DYNC2LI1: variants seen among roughly 807,000 people sequenced by gnomAD.
DYNC2LI1 encodes dynein cytoplasmic 2 light intermediate chain 1.
Under a neutral mutation model 51.9 loss-of-function variants are expected in DYNC2LI1, and 45 were observed. The observed-to-expected ratio is 0.87, with a 90% CI of 0.68 to 1.11. The LOEUF (loss-of-function observed/expected upper bound fraction) is 1.11. DYNC2LI1 is among the 50% of genes most tolerant of loss of function. DYNC2LI1 has a pLI of 0.00. For missense variants in DYNC2LI1, 490 were observed against 417.4 expected, an observed-to-expected ratio of 1.17 and a Z score of -1.51; for synonymous variants, 130 against 137.8, an observed-to-expected ratio of 0.94 and a Z score of 0.40.
Position 43,795,956 on chromosome 2 carries a change from C to T in DYNC2LI1, c.574C>T (p.Gln192Ter). Residue 192 changes from glutamine to a stop codon, truncating the protein, a stop_gained and splice_region_variant, in exon 7 of 13, where the codon CAG (glutamine) becomes TAG (stop). Transcript: ENST00000260605. LOFTEE classifies it high-confidence loss of function. ...AATTGGAAGTAAATATGATGTTTTT[C>T]AGGTAAGCTCTTCCGCTTCTAGCTG... ...VIIGSKYDVFQDFESEKRKVI... is the reference protein window; with the variant it reads ...VIIGSKYDVF The T allele has an allele frequency of 6.2e-7, 1 of 1,611,644 alleles. No individual in the cohort carries two copies. Among genetic ancestry groups the T allele is most frequent in the Non-Finnish European group, 8.5e-7 (1 of 1,177,962 alleles).
At chr2:43,812,263 A>G (rs556755276), downstream of DYNC2LI1, among the ~76,000 whole-genome samples, 1 of 150,502 alleles carries the variant, frequency 6.6e-6, no homozygotes, top group Non-Finnish European at 1.5e-5. Context: ...GCTGATCTCC[A>G]GCCTTAATGG....
At chr2:43,798,049 C>T (rs185167901) in intron 8 of DYNC2LI1, among the ~76,000 whole-genome samples, 25,379 of 151,654 alleles carry the variant, frequency 0.17, 3,216 homozygotes, top group African/African-American at 0.34. Context: ...ATCACATGAG[C>T]TCAGGAGGTC....
rs557217624 is a variant in DYNC2LI1, at chr2:43,795,039, T to C, written c.507+396T>C. 6.8e-5 allele frequency: 72 copies of C among 1,065,102 alleles called. No individual in the cohort carries two copies. The African/African-American group carries it at 1.2e-3, about 17-fold the overall frequency. The allele number at this position is 1,065,102 out of a possible 1,614,324, so 66.0% of individuals were successfully genotyped here. On this transcript the variant is annotated intron_variant, in intron 6 of 12. Transcript: ENST00000260605. ...GGTAGAGTTGTAATAGCCTTCACCA[T>C]CACTCTGTATTTTACATTCATTTCG...
At chr2:43,819,044 A>G in the DYNC2LI1 span, among the ~76,000 whole-genome samples, 1 of 152,198 alleles carries the variant, frequency 6.6e-6, no homozygotes, top group East Asian at 1.9e-4. Flanking sequence ...CTTATCTGAA[A>G]ATGGATTGCT....
intron 1 of DYNC2LI1, 42 bp downstream of exon 1, chr2:43,774,188 G>T: frequency 6.2e-7 from 1 of 1,612,018 alleles, no homozygotes; most frequent in Non-Finnish European, 8.5e-7. Context: ...GCTACTGAGA[G>T]TATTCCTGGA....
intron 8 of DYNC2LI1, among the ~76,000 whole-genome samples, chr2:43,798,125 A>G (rs909882267): frequency 6.6e-6 from 1 of 151,832 alleles, no homozygotes. Context: ...AAAAAAAAAA[A>G]TTTCCTTTAC....
Position 43,801,644 on chromosome 2 carries a change from C to A in DYNC2LI1, c.737C>A (p.Ser246Ter), listed in dbSNP as rs1463359076. Residue 246 changes from serine to a stop codon, truncating the protein, a stop_gained, in exon 10 of 13, where the codon TCA becomes TAA. Transcript: ENST00000260605. LOFTEE classifies it high-confidence loss of function. The part of the protein sequence containing the change: ...QLAFGIDKSK[S>*]ICVDQNKPLF... ...TCTTTCTCTTCTCCACGTAGCAAAT[C>A]AATATGTGTGGATCAGAATAAACCG... 6.2e-7 allele frequency: 1 copy of A among 1,607,474 alleles called. No homozygotes were observed.
chr2:43,777,414 G>A (rs1673073719), intron 2 of DYNC2LI1, among the ~76,000 whole-genome samples: 1 of 152,186 alleles, frequency 6.6e-6, no homozygotes, highest in Non-Finnish European at 1.5e-5. Flanking sequence ...ACTTGGCCAA[G>A]CATACAGAAA....
intron 3 of DYNC2LI1, among the ~76,000 whole-genome samples, chr2:43,786,141 A>C (rs560278467): frequency 2.3e-4 from 35 of 152,308 alleles, no homozygotes; most frequent in African/African-American, 8.2e-4. Context: ...AATGATGCCC[A>C]TGTTTGGGCT....
At chr2:43,783,369 A>T in intron 2 of DYNC2LI1, 151 bp from the exon 3 acceptor site, 1 of 636,786 alleles carries the variant, frequency 1.6e-6, no homozygotes, top group East Asian at 3.1e-5. Context: ...ATCAAACTTT[A>T]GAACAATTCC....
chr2:43,784,365 A>G (rs1395636797), intron 3 of DYNC2LI1, among the ~76,000 whole-genome samples: 4 of 152,182 alleles, frequency 2.6e-5, no homozygotes, highest in African/African-American at 4.8e-5. Flanking sequence ...TCATAAACAA[A>G]TCATCTAATA....
the DYNC2LI1 span, chr2:43,825,055 A>G: frequency 3.1e-6 from 5 of 1,609,330 alleles, no homozygotes; most frequent in Non-Finnish European, 4.2e-6. Flanking sequence ...GTGTGATCAC[A>G]AGGGTAGCGA....
the DYNC2LI1 span, chr2:43,820,051 C>A: frequency 6.2e-7 from 1 of 1,614,154 alleles, no homozygotes; most frequent in Non-Finnish European, 8.5e-7. Context: ...GCCAAGAGAG[C>A]AGCAGAAAAA....
chr2:43,800,660 G>A (rs373525910), intron 8 of DYNC2LI1, among the ~76,000 whole-genome samples, 181 bp from the exon 9 acceptor site: 2 of 152,152 alleles, frequency 1.3e-5, no homozygotes, highest in African/African-American at 4.8e-5. Context: ...TGAAGAACGA[G>A]TTAAAGTTAC....
At position 43,798,753 on chromosome 2, in the gene DYNC2LI1, T is replaced by C. The variant is rs553836356; in HGVS notation, c.654+1958T>C. 1.2e-4 allele frequency among the ~76,000 whole-genome samples: 19 copies of C among 152,304 alleles called. No homozygotes were observed. In the East Asian group the frequency reaches 3.7e-3, roughly 29 times the overall value. ...CCTAAAGGAACAGGGTTTGGGTTAGTGGAGTACTTCTGGACCACCAAAGGA... is the reference window on the plus strand; with the variant it reads ...CCTAAAGGAACAGGGTTTGGGTTAGCGGAGTACTTCTGGACCACCAAAGGA... On this transcript the variant is annotated intron_variant, in intron 8 of 12. Transcript: ENST00000260605.
At chr2:43,821,347 C>T in the DYNC2LI1 span, among the ~76,000 whole-genome samples, 5 of 152,328 alleles carry the variant, frequency 3.3e-5, no homozygotes, top group South Asian at 6.2e-4. Context: ...GATGAGCCAT[C>T]CACATCAGTG....
chr2:43,813,096 T>C, downstream of DYNC2LI1: 1 of 993,702 alleles, frequency 1.0e-6, no homozygotes, highest in Non-Finnish European at 1.6e-6. Flanking sequence ...TCACTTCCAT[T>C]TTCCCAGCCA....
intron 3 of DYNC2LI1, among the ~76,000 whole-genome samples, chr2:43,786,107 T>C (rs181142216): frequency 6.6e-6 from 1 of 152,250 alleles, no homozygotes; most frequent in African/African-American, 2.4e-5. Flanking sequence ...CTTGTTGATA[T>C]AATTTATTAA....
At chr2:43,813,128 G>A, downstream of DYNC2LI1, 1 of 1,264,296 alleles carries the variant, frequency 7.9e-7, no homozygotes, top group Non-Finnish European at 1.2e-6. Context: ...ACCTGCTAAT[G>A]AGATGATCCC....
Sources: gnomAD v4.1 joint callset for allele counts (sites outside exome capture counted in the v4.1 genomes callset) on GRCh38, gnomAD v4.1.1 for gene constraint, MANE v1.5 for transcripts, NCBI Gene and HGNC (gene_info 2026-07-23, HGNC 2026-07-21) for gene names.